The following PAICS variants were observed in gnomAD, a reference collection of about 807,000 sequenced individuals.
PAICS encodes phosphoribosylaminoimidazole carboxylase and phosphoribosylaminoimidazolesuccinocarboxamide synthase, also known as bifunctional phosphoribosylaminoimidazole carboxylase/phosphoribosylaminoimidazole succinocarboxamide synthetase.
In PAICS, 33 loss-of-function variants were observed where a neutral mutation model predicts 53.7. The ratio of observed to expected loss-of-function variants is 0.61; its 90% CI spans 0.47 to 0.82. The LOEUF is 0.82. Among genes scored for constraint, PAICS ranks in the 40% least tolerant of loss-of-function variants. PAICS has a pLI of 0.00. For synonymous variants in PAICS, 141 were observed against 167.2 expected, an observed-to-expected ratio of 0.84 and a Z score of 1.21; for missense variants, 394 against 494.1, an observed-to-expected ratio of 0.80 and a Z score of 1.92.
chr4:56,440,591 C>G (rs1462329462), intron 1 of PAICS, among the ~76,000 whole-genome samples: 1 of 152,204 alleles, frequency 6.6e-6, no homozygotes, highest in Non-Finnish European at 1.5e-5. Context: ...ATTTATTCAT[C>G]AACACTACCT....
chr4:56,425,492 ATTATGAAG>A, the PAICS span: 1 of 372,244 alleles, frequency 2.7e-6, no homozygotes, highest in Non-Finnish European at 3.7e-6. Flanking sequence ...CAACTTGTTT[ATTATGAAG>A]TCATGATTTT....
chr4:56,436,769 C>T (rs887959768), intron 1 of PAICS, among the ~76,000 whole-genome samples: 6 of 152,082 alleles, frequency 3.9e-5, no homozygotes, highest in Admixed American at 2.0e-4. Flanking sequence ...CCAAGGCGGG[C>T]GGATCACCTG....
In PAICS at chr4:56,441,834, G is replaced by C; in HGVS notation, c.188G>C (p.Cys63Ser). 5 of 1,596,710 alleles carry C rather than the reference G, an allele frequency of 3.1e-6. No individual in the cohort carries two copies. Among genetic ancestry groups the C allele is most frequent in the Non-Finnish European group, 4.3e-6 (5 of 1,171,332 alleles). Residue 63 changes from cysteine to serine, a missense_variant, in exon 2 of 9, where the codon TGT becomes TCT. Physicochemically the swap from Cys to Ser is moderately radical, Grantham distance 112. Coordinates refer to ENST00000512576, the MANE Select transcript of PAICS (RefSeq NM_001079524.2). ...KAAISNKITS[C>S]IFQLLQEAGI... is the part of the protein sequence containing the mutation. ...GCAATCTCAAATAAAATCACCAGTTGTATTTTTCAGTTATTACAGGAAGCA... is the reference window on the plus strand; with the variant it reads ...GCAATCTCAAATAAAATCACCAGTTCTATTTTTCAGTTATTACAGGAAGCA...
At chr4:56,442,801 T>C (rs958532661) in intron 2 of PAICS, among the ~76,000 whole-genome samples, 2 of 152,242 alleles carry the variant, frequency 1.3e-5, no homozygotes, top group African/African-American at 2.4e-5. Context: ...TTAATGCTTT[T>C]GTTTTCAGTT....
chr4:56,415,323 C>G, the PAICS span, among the ~76,000 whole-genome samples: 2 of 152,176 alleles, frequency 1.3e-5, no homozygotes, highest in African/African-American at 4.8e-5. Flanking sequence ...AATTAGTCTG[C>G]AATTTCATGT....
chr4:56,448,682 G>A, intron 4 of PAICS, 28 bp from the exon 5 acceptor site: 1 of 1,532,820 alleles, frequency 6.5e-7, no homozygotes, highest in Non-Finnish European at 8.9e-7. Flanking sequence ...AATAGTTTTT[G>A]AAAACTTTGT....
At chr4:56,412,789 A>C in the PAICS span, among the ~76,000 whole-genome samples, 1 of 152,232 alleles carries the variant, frequency 6.6e-6, no homozygotes, top group Admixed American at 6.5e-5. Flanking sequence ...CTCATATGGA[A>C]TATTAATGTA....
chr4:56,445,932 G>A (rs933655447), intron 2 of PAICS, among the ~76,000 whole-genome samples: 2 of 152,072 alleles, frequency 1.3e-5, no homozygotes. Context: ...TTAAGTGGGC[G>A]GCTCCTAGAG....
upstream of PAICS, chr4:56,435,575 T>C: frequency 1.3e-6 from 2 of 1,587,334 alleles, no homozygotes; most frequent in Non-Finnish European, 1.7e-6. Context: ...AAGCTCGCGC[T>C]CGCGACAGGC....
At chr4:56,414,983 G>T in the PAICS span, among the ~76,000 whole-genome samples, 1 of 152,182 alleles carries the variant, frequency 6.6e-6, no homozygotes, top group African/African-American at 2.4e-5. Context: ...AAGCAGTGAT[G>T]TGCTTTTGTA....
At chr4:56,453,820 A>G in intron 8 of PAICS, 59 bp downstream of exon 8, 1 of 1,201,158 alleles carries the variant, frequency 8.3e-7, no homozygotes, top group Non-Finnish European at 1.2e-6. Context: ...GATGCACAAC[A>G]GTAGACAGAA....
the PAICS span, among the ~76,000 whole-genome samples, chr4:56,417,620 A>C: frequency 6.6e-6 from 1 of 152,060 alleles, no homozygotes. Flanking sequence ...ATGCCTAAAA[A>C]AATTATTAAA....
chr4:56,452,045 G>A lies in PAICS; in HGVS notation c.945G>A (p.Glu315=), dbSNP rs750447785. The A allele has an allele frequency of 1.3e-6, 2 of 1,595,560 alleles. No homozygotes were observed. The highest frequency in any genetic ancestry group is 1.3e-5 in the African/African-American group (1 of 74,622). ...GPDETLRIKA[E]YEGDGIPTVF... The stretch of plus-strand genomic sequence containing the variant: ...ATGAAACTCTGAGGATTAAAGCTGA[G>A]TATGAAGGTAAACCACAAGTAATAT... The change falls in exon 7 of 9, where the codon GAG becomes GAA. Residue 315 remains glutamate, a synonymous_variant. Transcript: ENST00000512576.
At chr4:56,427,170 A>T in the PAICS span, among the ~76,000 whole-genome samples, 1 of 152,222 alleles carries the variant, frequency 6.6e-6, no homozygotes, top group Non-Finnish European at 1.5e-5. Context: ...GCTATTATCA[A>T]TAACTCTGCT....
rs531823817 is a variant in PAICS, at chr4:56,464,156, A to T, written c.*4618A>T. 1 of 152,160 alleles carries T rather than the reference A, an allele frequency of 6.6e-6. No individual in the cohort carries two copies. The highest frequency in any genetic ancestry group is 2.1e-4 in the South Asian group (1 of 4,810). 9.4% of individuals were successfully genotyped at this position (152,160 alleles called of 1,614,324 possible). A position where few individuals can be genotyped will look rare whatever the true frequency, so the allele number is the denominator to read the frequency against. On this transcript the variant is annotated 3_prime_UTR_variant, in exon 9 of 9. Coordinates refer to ENST00000512576, the MANE Select transcript of PAICS (RefSeq NM_001079524.2). ...TGCAGAAGGCAGACTGTGGGACTTC[A>T]CCTCCATTTTGCAGAGCCAATTTCT...
chr4:56,439,038 C>T (rs1718198279), intron 1 of PAICS, among the ~76,000 whole-genome samples: 1 of 152,080 alleles, frequency 6.6e-6, no homozygotes. Context: ...CATTTTGGTA[C>T]TTGCAGGGTA....
intron 2 of PAICS, among the ~76,000 whole-genome samples, chr4:56,445,691 C>A (rs188608157): frequency 6.6e-6 from 1 of 152,152 alleles, no homozygotes; most frequent in Non-Finnish European, 1.5e-5. Flanking sequence ...ATAGAAGCTC[C>A]CTTCATGTAC....
chr4:56,435,888 A>G, upstream of PAICS: 1 of 1,481,604 alleles, frequency 6.7e-7, no homozygotes, highest in Non-Finnish European at 9.0e-7. Context: ...TAGCCTTCAT[A>G]TGCCCTTCCC....
the PAICS span, among the ~76,000 whole-genome samples, chr4:56,417,643 G>A: frequency 1.3e-5 from 2 of 152,052 alleles, no homozygotes; most frequent in African/African-American, 4.8e-5. Context: ...TAGTCCAGGT[G>A]CAGTCAGTGG....
Sources: gnomAD v4.1 joint callset for allele counts (sites outside exome capture counted in the v4.1 genomes callset) on GRCh38, gnomAD v4.1.1 for gene constraint, MANE v1.5 for transcripts, NCBI Gene and HGNC (gene_info 2026-07-23, HGNC 2026-07-21) for gene names.